NCALD: variants seen among roughly 807,000 people sequenced by gnomAD.
The protein encoded by NCALD is neurocalcin-delta.
NCALD carries 10 observed loss-of-function variants against 18.6 expected under a neutral mutation model. The observed-to-expected ratio is 0.54, with a 90% CI of 0.33 to 0.91. NCALD has a LOEUF of 0.91. Ranked by LOEUF, NCALD falls within the 40% of genes least tolerant of loss-of-function variation. The pLI, the probability that NCALD is intolerant of heterozygous loss-of-function variation, is 0.03. For synonymous variants in NCALD, 88 were observed against 87.4 expected (o/e 1.01, Z -0.04); for missense variants, 184 against 247.6 (o/e 0.74, Z 1.72).
intron 1 of NCALD, among the ~76,000 whole-genome samples, chr8:102,039,449 C>T (rs1277473874): frequency 6.6e-6 from 1 of 152,168 alleles, no homozygotes; most frequent in Non-Finnish European, 1.5e-5. Flanking sequence ...TAAGAGAGAG[C>T]AATCACTGAC....
intron 1 of NCALD, among the ~76,000 whole-genome samples, chr8:101,782,030 T>G (rs1812034155): frequency 6.8e-6 from 1 of 148,084 alleles, no homozygotes; most frequent in African/African-American, 2.5e-5. Context: ...TCAAAGATTT[T>G]TCAGAATAAT....
chr8:101,973,379 G>A (rs190291487), intron 2 of NCALD, among the ~76,000 whole-genome samples: 6 of 152,240 alleles, frequency 3.9e-5, no homozygotes, highest in Non-Finnish European at 7.4e-5. Context: ...GTTGCAAGCT[G>A]TCTGATGTTT....
intron 4 of NCALD, among the ~76,000 whole-genome samples, chr8:101,884,702 GT>G (rs1369799450): frequency 1.3e-5 from 2 of 151,858 alleles, no homozygotes; most frequent in East Asian, 3.9e-4. Context: ...AAAGCAGTTT[GT>G]TTTTGTTTTT....
chr8:101,908,002 C>T (rs1817666132), intron 3 of NCALD, among the ~76,000 whole-genome samples: 1 of 152,192 alleles, frequency 6.6e-6, no homozygotes, highest in South Asian at 2.1e-4. Context: ...AAAAACTCCT[C>T]TGGCAATTTT....
intron 4 of NCALD, among the ~76,000 whole-genome samples, chr8:101,831,677 C>G (rs1814193864): frequency 6.6e-6 from 1 of 152,164 alleles, no homozygotes; most frequent in Non-Finnish European, 1.5e-5. Flanking sequence ...GAATCACCTG[C>G]TCAGGGCCCC....
At chr8:101,946,435 G>A (rs1819175589) in intron 2 of NCALD, among the ~76,000 whole-genome samples, 1 of 152,058 alleles carries the variant, frequency 6.6e-6, no homozygotes, top group South Asian at 2.1e-4. Flanking sequence ...TCTTCAAAAA[G>A]TTTATGGAAA....
intron 4 of NCALD, among the ~76,000 whole-genome samples, chr8:101,864,178 C>A (rs1334219845): frequency 6.6e-6 from 1 of 152,188 alleles, no homozygotes; most frequent in Admixed American, 6.5e-5. Flanking sequence ...CTACTTCCTG[C>A]TATACGGTGG....
chr8:101,781,661 G>A (rs1420441464), intron 1 of NCALD, among the ~76,000 whole-genome samples: 2 of 152,232 alleles, frequency 1.3e-5, no homozygotes, highest in East Asian at 3.9e-4. Context: ...ATTTCTTCTG[G>A]TGTTGGACCT....
At chr8:101,744,960 G>C (rs1208779394) in intron 1 of NCALD, among the ~76,000 whole-genome samples, 2 of 149,818 alleles carry the variant, frequency 1.3e-5, no homozygotes, top group African/African-American at 4.9e-5. Flanking sequence ...AAAGACTGCT[G>C]GTGCCTTTGT....
intron 4 of NCALD, among the ~76,000 whole-genome samples, chr8:101,873,815 A>G (rs967468664): frequency 3.3e-5 from 5 of 152,190 alleles, no homozygotes; most frequent in African/African-American, 7.2e-5. Flanking sequence ...AAGATTCACA[A>G]TTTCACACCA....
chr8:102,033,623 C>T (rs1470432574), intron 1 of NCALD, among the ~76,000 whole-genome samples: 1 of 152,142 alleles, frequency 6.6e-6, no homozygotes, highest in East Asian at 1.9e-4. Flanking sequence ...ACTCCTTAAG[C>T]CATTGTACAA....
intron 1 of NCALD, among the ~76,000 whole-genome samples, chr8:102,037,490 G>A (rs1822910253): frequency 6.6e-6 from 1 of 152,118 alleles, no homozygotes; most frequent in Non-Finnish European, 1.5e-5. Flanking sequence ...TATACATTTA[G>A]TGTGTGTGTA....
intron 2 of NCALD, among the ~76,000 whole-genome samples, chr8:101,716,885 C>T (rs1317760948): frequency 6.6e-6 from 1 of 152,108 alleles, no homozygotes; most frequent in African/African-American, 2.4e-5. Context: ...GCTGTTGCTG[C>T]CTTTGAAGAT....
At chr8:101,971,054 T>C (rs1351141540) in intron 2 of NCALD, among the ~76,000 whole-genome samples, 1 of 152,196 alleles carries the variant, frequency 6.6e-6, no homozygotes, top group African/African-American at 2.4e-5. Context: ...GCTTCTGCCA[T>C]GTCTTGATGC....
chr8:102,042,907 T>A (rs1358404929), intron 1 of NCALD, among the ~76,000 whole-genome samples: 2 of 151,848 alleles, frequency 1.3e-5, no homozygotes, highest in African/African-American at 4.9e-5. Flanking sequence ...TTCAAGGCTA[T>A]CTAACAACAG....
chr8:101,712,226 C>T (rs555048127), intron 2 of NCALD, among the ~76,000 whole-genome samples: 1 of 152,242 alleles, frequency 6.6e-6, no homozygotes, highest in African/African-American at 2.4e-5. Flanking sequence ...GGGATTTTGT[C>T]ACCACCAGCC....
intron 1 of NCALD, among the ~76,000 whole-genome samples, chr8:102,091,567 A>G (rs1824924344): frequency 1.3e-5 from 2 of 152,220 alleles, no homozygotes; most frequent in South Asian, 4.1e-4. Flanking sequence ...TGGCCAGTTC[A>G]TGGAAAGCCT....
intron 1 of NCALD, among the ~76,000 whole-genome samples, chr8:101,760,425 G>A (rs1442442065): frequency 3.9e-5 from 6 of 152,292 alleles, no homozygotes; most frequent in Admixed American, 3.3e-4. Flanking sequence ...TTCTGGGAAG[G>A]ACAGATGACA....
chr8:102,029,587 C>T (rs1163180331), intron 1 of NCALD, among the ~76,000 whole-genome samples: 2 of 152,176 alleles, frequency 1.3e-5, no homozygotes, highest in Non-Finnish European at 2.9e-5. Flanking sequence ...TATTATTTCT[C>T]CTGTCAACGT....
Sources: allele counts gnomAD v4.1 joint callset (sites outside exome capture counted in the v4.1 genomes callset), GRCh38; gene constraint gnomAD v4.1.1; transcripts MANE v1.5; gene names NCBI Gene and HGNC (gene_info 2026-07-23, HGNC 2026-07-21).